Variants in KIF26A observed in about 807,000 individuals in gnomAD.
KIF26A encodes the protein kinesin-like protein KIF26A.
Under a neutral mutation model 126.0 loss-of-function variants are expected in KIF26A, and 74 were observed. The ratio of observed to expected loss-of-function variants is 0.59; its 90% CI spans 0.49 to 0.71. The LOEUF is 0.71. Among genes scored for constraint, KIF26A ranks in the 30% least tolerant of loss-of-function variants. The pLI is 0.00. For synonymous variants in KIF26A, 1,445 were observed against 1,232.7 expected (o/e 1.17, Z -3.61); for missense variants, 2,984 against 2,763.3 (o/e 1.08, Z -1.79).
chr14:104,167,265 T>C (rs1055477305), intron 5 of KIF26A, among the ~76,000 whole-genome samples: 2 of 151,648 alleles, frequency 1.3e-5, no homozygotes, highest in Non-Finnish European at 2.9e-5. Context: ...GGGAGTGGCG[T>C]GTCCTAGGGG....
At chr14:104,139,606 G>T (rs1013807222) in intron 2 of KIF26A, among the ~76,000 whole-genome samples, 3 of 152,170 alleles carry the variant, frequency 2.0e-5, no homozygotes, top group African/African-American at 7.2e-5. Flanking sequence ...GGATGGCAGG[G>T]ACTCCACCCA....
rs533110228 is a variant in KIF26A, at chr14:104,148,164, G to A, written c.289-3851G>A. On this transcript the variant is annotated intron_variant, in intron 2 of 14. Coordinates refer to ENST00000423312, the MANE Select transcript of KIF26A (RefSeq NM_015656.2). The surrounding 1 kb of genome is among the most constrained non-coding windows in gnomAD (Gnocchi z 4.3). ...AAAGTCCCCCGGGCCTCACACGCAG[G>A]AGAAAATGGAAGGATTACTTAAAGC... Among the ~76,000 whole-genome samples, 2 of 152,322 alleles carry A rather than the reference G, an allele frequency of 1.3e-5. No homozygotes were observed. Among genetic ancestry groups the A allele is most frequent in the Non-Finnish European group, 2.9e-5 (2 of 68,034 alleles).
chr14:104,153,248 C>T (rs574623387), intron 3 of KIF26A, among the ~76,000 whole-genome samples: 1 of 152,212 alleles, frequency 6.6e-6, no homozygotes, highest in Admixed American at 6.5e-5. Flanking sequence ...ACTAGCTGCC[C>T]TGGCAGTGGC....
At chr14:104,172,846 C>A in intron 7 of KIF26A, 131 bp from the exon 8 acceptor site, 1 of 1,301,534 alleles carries the variant, frequency 7.7e-7, no homozygotes, top group Non-Finnish European at 1.0e-6. Flanking sequence ...AACTGAAAGG[C>A]AGAGGGCTTA....
rs1383078678 is a variant in KIF26A, at chr14:104,151,440, G to A, written c.289-575G>A. On this transcript the variant is annotated intron_variant, in intron 2 of 14. Transcript: ENST00000423312. The surrounding 1 kb of genome is among the most constrained non-coding windows in gnomAD (Gnocchi z 4.9). ...CTGTACCCGATCCTGCGGCTCTTGC[G>A]CCCCTTCGGTGAGCTCATGTGCCCT... 2.0e-5 allele frequency among the ~76,000 whole-genome samples: 3 copies of A among 152,216 alleles called. No homozygotes were observed. The highest frequency in any genetic ancestry group is 4.4e-5 in the Non-Finnish European group (3 of 68,048).
chr14:104,176,985 G>C lies in KIF26A; in HGVS notation c.4197G>C (p.Glu1399Asp). ...GGGCTGCTGCTGTCCTTCGAGGGGA[G>C]GAGGAGCCCAGACCCAGCAGCCGGG... ...RVGAAAVLRG[E>D]EEPRPSSRAD... The change falls in exon 12 of 15, where the codon GAG becomes GAC. Residue 1399 changes from glutamate (E) to aspartate (D), a missense_variant. Physicochemically the swap from Glu to Asp is conservative, Grantham distance 45. Coordinates refer to ENST00000423312, the MANE Select transcript of KIF26A (RefSeq NM_015656.2). The C allele has an allele frequency of 5.8e-6, 9 of 1,540,428 alleles. No homozygotes were observed. Among genetic ancestry groups the C allele is most frequent in the Non-Finnish European group, 7.8e-6 (9 of 1,149,194 alleles).
Position 104,157,756 on chromosome 14 carries a change from C to A in KIF26A, c.737C>A (p.Ala246Asp). The A allele has an allele frequency of 6.2e-7, 1 of 1,610,518 alleles. No individual in the cohort carries two copies. The highest frequency in any genetic ancestry group is 8.5e-7 in the Non-Finnish European group (1 of 1,178,980). The change falls in exon 4 of 15, where the codon GCC (alanine) becomes GAC (aspartate). Residue 246 changes from alanine to aspartate, a missense_variant and splice_region_variant. Transcript: ENST00000423312. Reference protein sequence around the residue: ...VNSFLPPACLAEAAVAAVAVA... With the variant: ...VNSFLPPACLDEAAVAAVAVA... The stretch of plus-strand genomic sequence containing the variant: ...TACGCACTCTCTCCTTCCCTCCAGG[C>A]CGAGGCAGCGGTGGCGGCCGTGGCG...
intron 5 of KIF26A, among the ~76,000 whole-genome samples, chr14:104,167,558 A>G (rs758334378): frequency 6.6e-6 from 1 of 151,974 alleles, no homozygotes; most frequent in Non-Finnish European, 1.5e-5. Context: ...TCCATCAGTG[A>G]TGGGACAGGC....
intron 5 of KIF26A, 85 bp from the exon 6 acceptor site, chr14:104,171,638 C>T: frequency 8.3e-7 from 1 of 1,206,556 alleles, no homozygotes; most frequent in Non-Finnish European, 1.2e-6. Context: ...CCGCTGTCCC[C>T]ACCTGAGCTG....
intron 2 of KIF26A, among the ~76,000 whole-genome samples, chr14:104,141,182 T>C (rs2141086966): frequency 6.6e-6 from 1 of 152,210 alleles, no homozygotes; most frequent in East Asian, 1.9e-4. Context: ...TGTGTTTGGG[T>C]TGGGAGGGAA....
chr14:104,174,931 G>T, intron 11 of KIF26A, 51 bp from the exon 12 acceptor site: 2 of 1,456,622 alleles, frequency 1.4e-6, no homozygotes, highest in Non-Finnish European at 1.8e-6. Flanking sequence ...TCGGGGAAGC[G>T]GGGGCGTGTA....
At chr14:104,173,291 G>A in intron 8 of KIF26A, 39 bp from the exon 9 acceptor site, 6 of 1,601,372 alleles carry the variant, frequency 3.7e-6, no homozygotes, top group Non-Finnish European at 5.1e-6. Context: ...ACTTGGCCCT[G>A]AGCCACTGAA....
Position 104,138,686 on chromosome 14 carries a change from C to T in KIF26A, c.-37C>T. On this transcript the variant is annotated 5_prime_UTR_variant, in exon 1 of 15. Transcript: ENST00000423312. The stretch of plus-strand genomic sequence containing the variant: ...CGGCGCCCCCGGAGAGCCAGCGTGG[C>T]CGGGAGCGCCTGCCGGGCTCTTCCC... 2.4e-6 allele frequency: 3 copies of T among 1,262,632 alleles called. No homozygotes were observed. Among genetic ancestry groups the T allele is most frequent in the Non-Finnish European group, 3.0e-6 (3 of 1,002,480 alleles). The allele number at this position is 1,262,632 out of a possible 1,614,324, so 78.2% of individuals were successfully genotyped here. A position where few individuals can be genotyped will look rare whatever the true frequency, so the allele number is the denominator to read the frequency against.
At chr14:104,140,612 C>T (rs1334698541) in intron 2 of KIF26A, among the ~76,000 whole-genome samples, 1 of 152,120 alleles carries the variant, frequency 6.6e-6, no homozygotes, top group Non-Finnish European at 1.5e-5. Flanking sequence ...GGAGGGGGCT[C>T]CTGGTCACGG....
At position 104,175,326 on chromosome 14, in the gene KIF26A, G is replaced by A. The variant is rs776081961; in HGVS notation, c.2538G>A (p.Glu846=). The change falls in exon 12 of 15, where the codon GAG becomes GAA. Residue 846 remains glutamate (E), a synonymous_variant. Coordinates refer to ENST00000423312, the MANE Select transcript of KIF26A (RefSeq NM_015656.2). ...FRCSTFAELQ[E]RLECMDGNEG... is the part of the protein sequence containing the mutation. Reference sequence around the variant, plus strand: ...GCAGCACCTTCGCGGAGCTGCAGGAGCGGCTGGAATGCATGGACGGCAACG... The same window carrying A: ...GCAGCACCTTCGCGGAGCTGCAGGAACGGCTGGAATGCATGGACGGCAACG... The A allele has an allele frequency of 6.2e-7, 1 of 1,604,070 alleles. No individual in the cohort carries two copies. Among genetic ancestry groups the A allele is most frequent in the South Asian group, 1.1e-5 (1 of 90,956 alleles).
rs1319929478 is a variant in KIF26A at position 104,172,829 on chromosome 14, C to T, written c.1421-148C>T. On this transcript the variant is annotated intron_variant, in intron 7 of 14. Coordinates refer to ENST00000423312, the MANE Select transcript of KIF26A (RefSeq NM_015656.2). Reference sequence around the variant, plus strand: ...GGGCTTGTGGAGAGGAAGCTGAACCCCTGCCGAACTGAAAGGCAGAGGGCT... The same window carrying T: ...GGGCTTGTGGAGAGGAAGCTGAACCTCTGCCGAACTGAAAGGCAGAGGGCT... 42 of 1,200,916 alleles carry T rather than the reference C, an allele frequency of 3.5e-5. No individual in the cohort carries two copies. The South Asian group carries it at 5.4e-4, about 15-fold the overall frequency. 74.4% of individuals were successfully genotyped at this position (1,200,916 alleles called of 1,614,324 possible). A position where few individuals can be genotyped will look rare whatever the true frequency, so the allele number is the denominator to read the frequency against.
rs544781508 is a variant in KIF26A, at chr14:104,176,174, C to T, written c.3386C>T (p.Pro1129Leu). The change falls in exon 12 of 15, where the codon CCG becomes CTG. Residue 1129 changes from proline to leucine, a missense_variant. By Grantham distance (98) the Pro-to-Leu change is moderately conservative (BLOSUM62 -3). Transcript: ENST00000423312. ...VCTADSRDPT[P>L]QPRFSPDSLA... ...ACTGCCGACAGCCGTGACCCCACGC[C>T]GCAGCCCCGCTTCAGCCCCGACTCG... 31 of 1,593,728 alleles carry T rather than the reference C, an allele frequency of 1.9e-5. No individual in the cohort carries two copies. Among genetic ancestry groups the T allele is most frequent in the East Asian group, 9.1e-5 (4 of 43,836 alleles).
intron 2 of KIF26A, among the ~76,000 whole-genome samples, chr14:104,142,075 C>T (rs1003884547): frequency 6.6e-6 from 1 of 152,160 alleles, no homozygotes; most frequent in African/African-American, 2.4e-5. Context: ...GAGCCTGTCT[C>T]AGTTCCCTTG....
At chr14:104,179,497 A>G (rs906767775) in intron 14 of KIF26A, 111 bp downstream of exon 14, 33 of 1,425,766 alleles carry the variant, frequency 2.3e-5, no homozygotes, top group Non-Finnish European at 2.9e-5. Flanking sequence ...GAAGGCTGGA[A>G]GGCAGGGTCG....
Sources: gnomAD v4.1 joint callset for allele counts (sites outside exome capture counted in the v4.1 genomes callset) on GRCh38, gnomAD v4.1.1 for gene constraint, Gnocchi (gnomAD v3.1) non-coding constraint, MANE v1.5 for transcripts, NCBI Gene and HGNC (gene_info 2026-07-23, HGNC 2026-07-21) for gene names.